UBASH3B: variants seen among roughly 807,000 people sequenced by gnomAD.
UBASH3B encodes the protein ubiquitin associated and SH3 domain containing B.
A neutral mutation model predicts 83.4 loss-of-function variants in UBASH3B; 37 were observed. The ratio of observed to expected loss-of-function variants is 0.44; its 90% CI spans 0.34 to 0.58. UBASH3B has a LOEUF of 0.58. Among genes scored for constraint, UBASH3B ranks in the 20% least tolerant of loss-of-function variants. UBASH3B has a pLI of 0.01. For missense variants in UBASH3B, 657 were observed against 827.2 expected, an observed-to-expected ratio of 0.79 and a Z score of 2.52; for synonymous variants, 304 against 318.3, an observed-to-expected ratio of 0.96 and a Z score of 0.48.
chr11:122,781,403 C>T (rs991237992), intron 4 of UBASH3B, among the ~76,000 whole-genome samples: 4 of 152,220 alleles, frequency 2.6e-5, no homozygotes, highest in South Asian at 2.1e-4. Flanking sequence ...GTCAAAGCCG[C>T]AAAACCCAAA....
intron 1 of UBASH3B, among the ~76,000 whole-genome samples, chr11:122,662,507 A>G (rs1471362306): frequency 2.0e-5 from 3 of 149,028 alleles, no homozygotes; most frequent in Non-Finnish European, 4.4e-5. Flanking sequence ...AGCTCACTGC[A>G]TGCAACCTCC....
intron 1 of UBASH3B, among the ~76,000 whole-genome samples, chr11:122,741,914 G>A (rs112039195): frequency 3.0e-4 from 46 of 152,212 alleles, no homozygotes; most frequent in Admixed American, 1.4e-3. Flanking sequence ...GTCCAACCCC[G>A]CTAGGAGGAC....
At chr11:122,781,739 A>C (rs910698936) in intron 4 of UBASH3B, among the ~76,000 whole-genome samples, 1 of 152,262 alleles carries the variant, frequency 6.6e-6, no homozygotes, top group African/African-American at 2.4e-5. Flanking sequence ...GATATCATCA[A>C]GTAGATTTAG....
At chr11:122,694,850 G>C (rs1863941727) in intron 1 of UBASH3B, among the ~76,000 whole-genome samples, 1 of 151,560 alleles carries the variant, frequency 6.6e-6, no homozygotes, top group South Asian at 2.1e-4. Context: ...TGTTAGCATA[G>C]AACACTTAGC....
intron 11 of UBASH3B, among the ~76,000 whole-genome samples, chr11:122,803,085 C>G (rs978762873): frequency 3.3e-5 from 5 of 152,200 alleles, no homozygotes; most frequent in Non-Finnish European, 5.9e-5. Flanking sequence ...ATGCCAGGAG[C>G]CTGGGGATCA....
chr11:122,753,101 G>C (rs1861224706), intron 1 of UBASH3B, among the ~76,000 whole-genome samples: 1 of 148,750 alleles, frequency 6.7e-6, no homozygotes, highest in African/African-American at 2.5e-5. Context: ...AAATACATAT[G>C]AATGCTCAAA....
chr11:122,790,008 CTT>C (rs1341963493), intron 6 of UBASH3B, among the ~76,000 whole-genome samples: 2 of 152,240 alleles, frequency 1.3e-5, no homozygotes, highest in Non-Finnish European at 2.9e-5. Context: ...GCCATCTTCT[CTT>C]TCTTAGTTGG....
intron 7 of UBASH3B, among the ~76,000 whole-genome samples, chr11:122,795,867 C>T (rs533122286): frequency 6.6e-6 from 1 of 152,286 alleles, no homozygotes; most frequent in African/African-American, 2.4e-5. Context: ...TTAAAGTGGA[C>T]GTCATATTTT....
chr11:122,696,018 C>T (rs1270451814), intron 1 of UBASH3B, among the ~76,000 whole-genome samples: 1 of 152,140 alleles, frequency 6.6e-6, no homozygotes, highest in Non-Finnish European at 1.5e-5. Context: ...GGTGCGATCG[C>T]TGCTCACTGT....
At chr11:122,713,022 C>G (rs1864220235) in intron 1 of UBASH3B, among the ~76,000 whole-genome samples, 1 of 149,844 alleles carries the variant, frequency 6.7e-6, no homozygotes, top group African/African-American at 2.5e-5. Flanking sequence ...ATTCTCCTGC[C>G]TCAGCCTCCC....
intron 1 of UBASH3B, among the ~76,000 whole-genome samples, chr11:122,768,449 AAAAGAT>A (rs1159396854): frequency 6.8e-6 from 1 of 147,724 alleles, no homozygotes; most frequent in Non-Finnish European, 1.5e-5. Context: ...TTAAAAAAGA[AAAAGAT>A]AGAGATATAT....
chr11:122,806,350 A>G lies in UBASH3B; in HGVS notation c.1596-60A>G. 5.7e-6 allele frequency: 8 copies of G among 1,408,782 alleles called. No individual in the cohort carries two copies. The highest frequency in any genetic ancestry group is 7.8e-6 in the Non-Finnish European group (8 of 1,019,610). The allele number at this position is 1,408,782 out of a possible 1,614,324, so 87.3% of individuals were successfully genotyped here. ...CCTTGAAATAAAAGTTTAGAGTGATATCTTCCTTTGTCTCAAGATCAAAAT... is the reference window on the plus strand; with the variant it reads ...CCTTGAAATAAAAGTTTAGAGTGATGTCTTCCTTTGTCTCAAGATCAAAAT... On this transcript the variant is annotated intron_variant, in intron 11 of 13. Coordinates refer to ENST00000284273, the MANE Select transcript of UBASH3B (RefSeq NM_032873.5). The surrounding 1 kb of genome is among the most constrained non-coding windows in gnomAD (Gnocchi z 4.0).
At chr11:122,668,114 T>C (rs1215542744) in intron 1 of UBASH3B, among the ~76,000 whole-genome samples, 2 of 152,176 alleles carry the variant, frequency 1.3e-5, no homozygotes, top group Non-Finnish European at 2.9e-5. Context: ...GCCTCCCAAG[T>C]AGCTGGGATT....
intron 1 of UBASH3B, among the ~76,000 whole-genome samples, chr11:122,706,607 A>C (rs1297843398): frequency 6.6e-6 from 1 of 152,228 alleles, no homozygotes; most frequent in Non-Finnish European, 1.5e-5. Context: ...AGCCTTCAGA[A>C]TGATGAGTTT....
chr11:122,658,045 G>A (rs1338085322), intron 1 of UBASH3B, among the ~76,000 whole-genome samples: 2 of 151,966 alleles, frequency 1.3e-5, no homozygotes, highest in Non-Finnish European at 2.9e-5. Context: ...GTGGGGTGGT[G>A]CATGCCTGTA....
intron 1 of UBASH3B, 127 bp downstream of exon 1, chr11:122,656,337 TG>T (rs1393957942): frequency 7.8e-6 from 8 of 1,020,514 alleles, no homozygotes; most frequent in Non-Finnish European, 1.0e-5. Flanking sequence ...CGAGACCTGT[TG>T]GGGGCGGGAT....
chr11:122,761,572 C>T (rs1033631314), intron 1 of UBASH3B, among the ~76,000 whole-genome samples: 16 of 152,058 alleles, frequency 1.1e-4, no homozygotes, highest in African/African-American at 3.9e-4. Context: ...TTTCTCTGAC[C>T]CACCAAAGCC....
At chr11:122,761,404 G>A (rs61910270) in intron 1 of UBASH3B, among the ~76,000 whole-genome samples, 19,674 of 152,254 alleles carry the variant, frequency 0.13, 1,506 homozygotes, top group Middle Eastern at 0.21. Context: ...CCAGGAGGTC[G>A]AGGCTGCAGT....
At chr11:122,667,120 T>C (rs1389182324) in intron 1 of UBASH3B, among the ~76,000 whole-genome samples, 1 of 146,796 alleles carries the variant, frequency 6.8e-6, no homozygotes, top group Non-Finnish European at 1.5e-5. Flanking sequence ...CTCAGCTCAC[T>C]GCAACCTTTG....
Sources: allele counts gnomAD v4.1 joint callset (sites outside exome capture counted in the v4.1 genomes callset), GRCh38; gene constraint gnomAD v4.1.1; non-coding constraint Gnocchi (gnomAD v3.1); transcripts MANE v1.5; gene names NCBI Gene and HGNC (gene_info 2026-07-23, HGNC 2026-07-21).